The following CYP2S1 variants were observed in gnomAD, a reference collection of about 807,000 sequenced individuals.
The protein encoded by CYP2S1 is cytochrome P450 family 2 subfamily S member 1, also known as cytochrome P450 2S1.
In CYP2S1, 32 loss-of-function variants were observed where a neutral mutation model predicts 43.5. The ratio of observed to expected loss-of-function variants is 0.74; its 90% confidence interval spans 0.56 to 0.99. CYP2S1 has a LOEUF of 0.99. CYP2S1 is among the 50% of genes least tolerant of loss of function. CYP2S1 has a pLI of 0.00. For missense variants in CYP2S1, 575 were observed against 673.9 expected, an observed-to-expected ratio of 0.85 and a Z score of 1.62; for synonymous variants, 283 against 302.9, an observed-to-expected ratio of 0.93 and a Z score of 0.68.
Position 41,207,098 on chromosome 19 carries a change from TC to T in CYP2S1, c.*614del. ...TACCCACGTACGACATCGTCCTGGC[TC>T]CCCAGAGTATCTTCCCACTGAGACA... On this transcript the variant is annotated 3_prime_UTR_variant, in exon 9 of 9. Coordinates refer to ENST00000310054, the MANE Select transcript of CYP2S1 (RefSeq NM_030622.8). 3.2e-6 allele frequency: 1 copy of T among 314,644 alleles called. No homozygotes were observed. The highest frequency in any genetic ancestry group is 4.2e-5 in the Admixed American group (1 of 23,820). The allele number at this position is 314,644 out of a possible 1,614,324, so 19.5% of individuals were successfully genotyped here. A position where few individuals can be genotyped will look rare whatever the true frequency, so the allele number is the denominator to read the frequency against.
At chr19:41,205,368 T>TTCTTTCTTTC (rs1446460712) in intron 7 of CYP2S1, among the ~76,000 whole-genome samples, 2 of 70,918 alleles carry the variant, frequency 2.8e-5, no homozygotes, top group African/African-American at 1.7e-4. Context: ...CTTTCTTTCT[T>TTCTTTCTTTC]TCTTTCTTTC....
Position 41,206,568 on chromosome 19 carries a change from C to A in CYP2S1, c.*80C>A, listed in dbSNP as rs754949487. 1.5e-5 allele frequency: 23 copies of A among 1,538,020 alleles called. No individual in the cohort carries two copies. Among genetic ancestry groups the A allele is most frequent in the Non-Finnish European group, 2.0e-5 (22 of 1,113,404 alleles). On this transcript the variant is annotated 3_prime_UTR_variant, in exon 9 of 9. Transcript: ENST00000310054. ...GTGGGCATGGACAGGGTTAATGTCT[C>A]CAGAGTGTACACTGCAGGCAGCCAC...
At position 41,193,292 on chromosome 19, in the gene CYP2S1, C is replaced by T; in HGVS notation, c.28C>T (p.Leu10=). ...GGAGGCGACCGGCACCTGGGCGCTG[C>T]TGCTGGCGCTGGCGCTGCTCCTGCT... The part of the protein sequence containing the change: MEATGTWAL[L]LALALLLLLT... Residue 10 remains leucine (L), a synonymous_variant, in exon 1 of 9, where the codon CTG becomes TTG. Transcript: ENST00000310054. 2.6e-6 allele frequency: 4 copies of T among 1,542,790 alleles called. No individual in the cohort carries two copies. The highest frequency in any genetic ancestry group is 3.5e-6 in the Non-Finnish European group (4 of 1,145,460).
Position 41,206,694 on chromosome 19 carries a change from A to G in CYP2S1, c.*206A>G, listed in dbSNP as rs1229390850. On this transcript the variant is annotated 3_prime_UTR_variant, in exon 9 of 9. Transcript: ENST00000310054. The stretch of plus-strand genomic sequence containing the variant: ...CACAACCGCACACCCATACACAACT[A>G]CAAGGGCCACAAAGCAACTGCTGGG... 2.6e-6 allele frequency: 2 copies of G among 778,084 alleles called. No individual in the cohort carries two copies. The highest frequency in any genetic ancestry group is 2.4e-5 in the East Asian group (1 of 40,926). The allele number at this position is 778,084 out of a possible 1,614,324, so 48.2% of individuals were successfully genotyped here. A position where few individuals can be genotyped will look rare whatever the true frequency, so the allele number is the denominator to read the frequency against.
chr19:41,199,193 C>A (rs1367165773), intron 5 of CYP2S1, among the ~76,000 whole-genome samples: 1 of 152,076 alleles, frequency 6.6e-6, no homozygotes, highest in Non-Finnish European at 1.5e-5. Flanking sequence ...AGGCCCCATG[C>A]CCAGGGTCCT....
intron 1 of CYP2S1, 27 bp downstream of exon 1, chr19:41,193,468 T>C (rs748526945): frequency 2.1e-6 from 3 of 1,409,812 alleles, no homozygotes; most frequent in Admixed American, 3.1e-5. Flanking sequence ...ACGTCCTGGC[T>C]AGGGGTGGGA....
In CYP2S1 at chr19:41,193,337, G is replaced by A. The variant is rs776430271; in HGVS notation, c.73G>A (p.Gly25Arg). The A allele has an allele frequency of 3.3e-6, 5 of 1,538,100 alleles. No homozygotes were observed. The highest frequency in any genetic ancestry group is 2.0e-5 in the Admixed American group (1 of 50,184). Residue 25 changes from glycine to arginine, a missense_variant, in exon 1 of 9, where the codon GGG becomes AGG. Around this residue, in one of 2 missense-constraint regions of CYP2S1, gnomAD observed 353 missense variants for 367.6 expected, o/e 0.96. Transcript: ENST00000310054. ...CCTGCTGCTGACGCTGGCGCTGTCCGGGACCAGGGCCCGAGGCCACCTGCC... is the reference window on the plus strand; with the variant it reads ...CCTGCTGCTGACGCTGGCGCTGTCCAGGACCAGGGCCCGAGGCCACCTGCC... ...LLLLLTLALS[G>R]TRARGHLPPG...
At chr19:41,201,703 C>CA (rs8192797) in intron 6 of CYP2S1, among the ~76,000 whole-genome samples, 23 of 145,034 alleles carry the variant, frequency 1.6e-4, no homozygotes, top group East Asian at 1.2e-3. Context: ...GACACTGTTT[C>CA]AAAAAAAAAA....
In CYP2S1 at chr19:41,201,380, C is replaced by G. The variant is rs1599714476; in HGVS notation, c.976+8C>G. On this transcript the variant is annotated splice_region_variant and intron_variant, in intron 6 of 8. Transcript: ENST00000310054. ...AATACCCTCATGTCCAAAGTAAGAG[C>G]CTTTTCCACTTGCCAGGCCTTGGGA... 6.2e-7 allele frequency: 1 copy of G among 1,612,936 alleles called. No homozygotes were observed. Among genetic ancestry groups the G allele is most frequent in the African/African-American group, 1.3e-5 (1 of 74,998 alleles).
intron 2 of CYP2S1, 139 bp from the exon 3 acceptor site, chr19:41,197,640 C>T: frequency 1.5e-6 from 2 of 1,291,462 alleles, no homozygotes; most frequent in Non-Finnish European, 2.1e-6. Flanking sequence ...GCAGAGGTTG[C>T]AGTGAGACGA....
At chr19:41,195,901 C>CA (rs893865989) in intron 2 of CYP2S1, among the ~76,000 whole-genome samples, 1 of 151,826 alleles carries the variant, frequency 6.6e-6, no homozygotes, top group Admixed American at 6.6e-5. Flanking sequence ...AACAAACAAA[C>CA]AAAAAATCAT....
intron 6 of CYP2S1, among the ~76,000 whole-genome samples, chr19:41,202,906 G>A (rs1189543253): frequency 6.6e-6 from 1 of 152,078 alleles, no homozygotes; most frequent in African/African-American, 2.4e-5. Flanking sequence ...TTCGAGACCA[G>A]CCTCGCTAAC....
chr19:41,200,781 T>C (rs1311276844), intron 5 of CYP2S1, among the ~76,000 whole-genome samples: 1 of 152,136 alleles, frequency 6.6e-6, no homozygotes, highest in Non-Finnish European at 1.5e-5. Context: ...GATGAAGATG[T>C]GGAGACTTTG....
At chr19:41,205,451 C>A (rs71337218) in intron 7 of CYP2S1, among the ~76,000 whole-genome samples, 24,270 of 116,860 alleles carry the variant, frequency 0.21, 2,521 homozygotes, top group East Asian at 0.36. Context: ...TTTTCTTTTT[C>A]TTTCTCTCTC....
In CYP2S1 at chr19:41,194,675, C is replaced by T. The variant is rs373910816; in HGVS notation, c.309C>T (p.Thr103=). 1.1e-5 allele frequency: 18 copies of T among 1,611,922 alleles called. No individual in the cohort carries two copies. Among genetic ancestry groups the T allele is most frequent in the Middle Eastern group, 1.6e-4 (1 of 6,068 alleles). ...CTGAGGAGTTCAGCGGCCGGGGAAC[C>T]GTAGCGATGCTGGAAGGGACTTTTG... The part of the protein sequence containing the change: ...GQAEEFSGRG[T]VAMLEGTFDG... The change falls in exon 2 of 9, where the codon ACC becomes ACT. Residue 103 remains threonine (T), a synonymous_variant. Transcript: ENST00000310054.
chr19:41,201,379 GC>G lies in CYP2S1; in HGVS notation c.976+9del. Reference sequence around the variant, plus strand: ...AAATACCCTCATGTCCAAAGTAAGAGCCTTTTCCACTTGCCAGGCCTTGGGA... The same window carrying G: ...AAATACCCTCATGTCCAAAGTAAGAGCTTTTCCACTTGCCAGGCCTTGGGA... On this transcript the variant is annotated splice_region_variant and intron_variant, in intron 6 of 8. Transcript: ENST00000310054. 6.2e-7 allele frequency: 1 copy of G among 1,613,156 alleles called. No individual in the cohort carries two copies. Among genetic ancestry groups the G allele is most frequent in the Non-Finnish European group, 8.5e-7 (1 of 1,179,522 alleles).
chr19:41,205,668 C>T (rs1237609192), intron 7 of CYP2S1, among the ~76,000 whole-genome samples: 3 of 151,976 alleles, frequency 2.0e-5, no homozygotes, highest in Non-Finnish European at 4.4e-5. Flanking sequence ...ACAACGGGCT[C>T]ATACCACCAT....
At chr19:41,205,481 T>TCCTTCCTC (rs201143770) in intron 7 of CYP2S1, among the ~76,000 whole-genome samples, 13 of 150,274 alleles carry the variant, frequency 8.7e-5, no homozygotes, top group South Asian at 2.1e-4. Context: ...CTTCCTTTCT[T>TCCTTCCTC]CCTTCCTCCC....
chr19:41,204,141 G>T (rs188167137), intron 7 of CYP2S1, among the ~76,000 whole-genome samples: 4 of 152,120 alleles, frequency 2.6e-5, no homozygotes, highest in Non-Finnish European at 5.9e-5. Context: ...GATTACAGGC[G>T]TGAGCCACCG....
Sources: gnomAD v4.1 joint callset for allele counts (sites outside exome capture counted in the v4.1 genomes callset) on GRCh38, gnomAD v4.1.1 for gene constraint, gnomAD v4.1.1 regional missense constraint, MANE v1.5 for transcripts, NCBI Gene and HGNC (gene_info 2026-07-23, HGNC 2026-07-21) for gene names.